SLC4A9: variants seen among roughly 807,000 people sequenced by gnomAD.
The protein encoded by SLC4A9 is solute carrier family 4 member 9, also known as anion exchange protein 4.
In SLC4A9, 102 loss-of-function variants were observed where a neutral mutation model predicts 103.2. The observed-to-expected ratio is 0.99, with a 90% CI of 0.84 to 1.17. SLC4A9 has a LOEUF of 1.17. Ranked by LOEUF, SLC4A9 falls within the 50% of genes most tolerant of loss-of-function variation. SLC4A9 has a pLI of 0.00. For synonymous variants in SLC4A9, 453 were observed against 483.6 expected (o/e 0.94, Z 0.83); for missense variants, 1,091 against 1,193.7 (o/e 0.91, Z 1.27).
In SLC4A9 at chr5:140,360,870, G is replaced by A. The variant is rs199701992; in HGVS notation, c.289G>A (p.Val97Met). 30 of 1,612,402 alleles carry A rather than the reference G, an allele frequency of 1.9e-5. No individual in the cohort carries two copies. Among genetic ancestry groups the A allele is most frequent in the South Asian group, 4.4e-5 (4 of 90,852 alleles). Residue 97 changes from valine (V) to methionine (M), a missense_variant, in exon 2 of 22, where the codon GTG (valine) becomes ATG (methionine). By Grantham distance (21) the Val-to-Met change is conservative. Transcript: ENST00000506757. ...VAAGRWSAPH[V>M]PTLALPSLQK... ...TGCAGGCCGGTGGAGTGCCCCCCAC[G>A]TGCCCACCCTGGCACTGCCCAGCCT...
chr5:140,367,469 C>T lies in SLC4A9; in HGVS notation c.2063C>T (p.Pro688Leu), dbSNP rs748505157. The change falls in exon 15 of 22, where the codon CCC becomes CTC. Residue 688 changes from proline to leucine, a missense_variant. Pro to Leu is a moderately conservative substitution (Grantham distance 98). Transcript: ENST00000506757. ...CTGGTGTCACCTTTTGGAGCCAACC[C>T]CTGGTGGTGGAGTGTGGCAGCTGCC... The part of the protein sequence containing the change: ...GWLVSPFGAN[P>L]WWWSVAAALP... The T allele has an allele frequency of 1.9e-6, 3 of 1,609,480 alleles. No individual in the cohort carries two copies. The highest frequency in any genetic ancestry group is 3.4e-5 in the Admixed American group (2 of 59,348).
At position 140,372,754 on chromosome 5, in the gene SLC4A9, A is replaced by C. The variant is rs1768908126; in HGVS notation, c.2836A>C (p.Met946Leu). 1 of 1,580,658 alleles carries C rather than the reference A, an allele frequency of 6.3e-7. No homozygotes were observed. The highest frequency in any genetic ancestry group is 8.6e-7 in the Non-Finnish European group (1 of 1,162,556). ...GATCTGTCTTCCACAGTCAGAGCTG[A>C]TGTATCAGCCAAAGGCTCCAGAAAT... ...SGSDSEDSELMYQPKAPEINI... is the reference protein window; with the variant it reads ...SGSDSEDSELLYQPKAPEINI... The change falls in exon 21 of 22, where the codon ATG (methionine) becomes CTG (leucine). Residue 946 changes from methionine (M) to leucine (L), a missense_variant. By Grantham distance (15) the Met-to-Leu change is conservative. Coordinates refer to ENST00000506757, the MANE Select transcript of SLC4A9 (RefSeq NM_031467.3).
chr5:140,364,516 C>T lies in SLC4A9; in HGVS notation c.1542C>T (p.Ile514=), dbSNP rs1051593283. Residue 514 remains isoleucine, a synonymous_variant, in exon 11 of 22, where the codon ATC becomes ATT. Coordinates refer to ENST00000506757, the MANE Select transcript of SLC4A9 (RefSeq NM_031467.3). The part of the protein sequence containing the change: ...EEGFCALISL[I]FIYDAVGKML... ...GTTTCTGTGCCCTCATCAGCCTCAT[C>T]TTCATCTACGATGCTGTGGGCAAAA... The T allele has an allele frequency of 1.2e-6, 2 of 1,611,098 alleles. No individual in the cohort carries two copies. The highest frequency in any genetic ancestry group is 2.7e-5 in the African/African-American group (2 of 74,872).
intron 3 of SLC4A9, 24 bp downstream of exon 3, chr5:140,361,391 G>T: frequency 6.5e-7 from 1 of 1,535,806 alleles, no homozygotes; most frequent in South Asian, 1.2e-5. Context: ...CCTGGGCCCA[G>T]GACCAAGACC....
rs767169623 is a variant in SLC4A9 at position 140,366,144 on chromosome 5, G to T, written c.1900-7G>T. The T allele has an allele frequency of 3.1e-6, 5 of 1,612,832 alleles. No homozygotes were observed. The African/African-American group carries it at 6.7e-5, about 22-fold the overall frequency. On this transcript the variant is annotated splice_polypyrimidine_tract_variant and splice_region_variant and intron_variant, in intron 13 of 21. Coordinates refer to ENST00000506757, the MANE Select transcript of SLC4A9 (RefSeq NM_031467.3). ...CTGGACCTGACTGAGTGTCCACTGT[G>T]TGCCAGGTGCGCAAAGGGCTCAGCG...
rs1367621303 is a variant in SLC4A9 at position 140,363,817 on chromosome 5, C to T, written c.1169C>T (p.Ser390Leu). ...GACGCCCTGCATCTCCAGTGCTTCT[C>T]GGCCGTACTCTACATTTACCTGGCC... ...FLDALHLQCF[S>L]AVLYIYLATV... The change falls in exon 9 of 22, where the codon TCG (serine) becomes TTG (leucine). Residue 390 changes from serine to leucine, a missense_variant. Transcript: ENST00000506757. This position sits in a 1 kb window ranked among gnomAD's most constrained non-coding sequence, Gnocchi z 4.5. The T allele has an allele frequency of 1.9e-5, 30 of 1,613,852 alleles. No homozygotes were observed. Among genetic ancestry groups the T allele is most frequent in the Non-Finnish European group, 2.4e-5 (28 of 1,179,878 alleles).
rs746938018 is a variant in SLC4A9 at position 140,368,583 on chromosome 5, A to G, written c.2355-4A>G. ...CCTCAGCTAACTCCTCCCTCTCCCC[A>G]CAGGGAACAGAGGCTGACAGGCCTG... On this transcript the variant is annotated splice_region_variant and splice_polypyrimidine_tract_variant and intron_variant, in intron 16 of 21. Coordinates refer to ENST00000506757, the MANE Select transcript of SLC4A9 (RefSeq NM_031467.3). 1.1e-5 allele frequency: 18 copies of G among 1,612,094 alleles called. No homozygotes were observed. Among genetic ancestry groups the G allele is most frequent in the Non-Finnish European group, 1.5e-5 (18 of 1,179,336 alleles).
Position 140,364,039 on chromosome 5 carries a change from CCT to C in SLC4A9, c.1255-14_1255-13del, listed in dbSNP as rs1303550534. ...GGACTTCAGGGTCCTGTGCTGAGCC[CCT>C]GTTGGCTTCCAGGGAGTGCTGGAAA... On this transcript the variant is annotated splice_polypyrimidine_tract_variant and intron_variant, in intron 9 of 21. Coordinates refer to ENST00000506757, the MANE Select transcript of SLC4A9 (RefSeq NM_031467.3). The C allele has an allele frequency of 1.4e-5, 22 of 1,526,084 alleles. No homozygotes were observed. The highest frequency in any genetic ancestry group is 1.9e-5 in the Non-Finnish European group (22 of 1,137,628). The allele number at this position is 1,526,084 out of a possible 1,614,324, so 94.5% of individuals were successfully genotyped here. A position where few individuals can be genotyped will look rare whatever the true frequency, so the allele number is the denominator to read the frequency against.
Position 140,371,472 on chromosome 5 carries a change from T to G in SLC4A9, c.2518T>G (p.Leu840Val). ...CTAGTTCACTAATAGGGTGAAGCTG[T>G]TGTTGATGCCAGCAAAACACCAGCC... ...SIQFTNRVKLLLMPAKHQPDL... is the reference protein window; with the variant it reads ...SIQFTNRVKLVLMPAKHQPDL... The change falls in exon 19 of 22, where the codon TTG becomes GTG. Residue 840 changes from leucine to valine, a missense_variant. Physicochemically the swap from Leu to Val is conservative, Grantham distance 32 (BLOSUM62 1). Transcript: ENST00000506757. The G allele has an allele frequency of 1.2e-6, 2 of 1,614,022 alleles. No individual in the cohort carries two copies. The highest frequency in any genetic ancestry group is 1.7e-6 in the Non-Finnish European group (2 of 1,179,894).
chr5:140,369,110 C>T (rs1768326605), intron 17 of SLC4A9, among the ~76,000 whole-genome samples: 2 of 151,798 alleles, frequency 1.3e-5, no homozygotes, highest in African/African-American at 2.4e-5. Context: ...ATCACTTGAG[C>T]GCAGAAGTTT....
At position 140,363,706 on chromosome 5, in the gene SLC4A9, A is replaced by G; in HGVS notation, c.1080-22A>G. Reference sequence around the variant, plus strand: ...GGTGTGGAGTGTGAAAACCTGGATCACTGACGACCCTCGGGCGGGAGGCTG... The same window carrying G: ...GGTGTGGAGTGTGAAAACCTGGATCGCTGACGACCCTCGGGCGGGAGGCTG... On this transcript the variant is annotated intron_variant, in intron 8 of 21. Coordinates refer to ENST00000506757, the MANE Select transcript of SLC4A9 (RefSeq NM_031467.3). This position sits in a 1 kb window ranked among gnomAD's most constrained non-coding sequence, Gnocchi z 4.5. 6.2e-7 allele frequency: 1 copy of G among 1,612,096 alleles called. No homozygotes were observed. The highest frequency in any genetic ancestry group is 8.5e-7 in the Non-Finnish European group (1 of 1,178,998).
At chr5:140,365,210 A>G (rs940639253) in intron 11 of SLC4A9, among the ~76,000 whole-genome samples, 1 of 152,214 alleles carries the variant, frequency 6.6e-6, no homozygotes, top group Non-Finnish European at 1.5e-5. Context: ...CTAGGCATGA[A>G]CAAGACCAGT....
intron 20 of SLC4A9, 57 bp downstream of exon 20, chr5:140,372,454 T>C: frequency 6.3e-7 from 1 of 1,585,898 alleles, no homozygotes. Flanking sequence ...GAGAGCGTTC[T>C]TGTCCAGGAG....
At chr5:140,373,493 C>A (rs762469752) in intron 21 of SLC4A9, among the ~76,000 whole-genome samples, 1 of 152,090 alleles carries the variant, frequency 6.6e-6, no homozygotes, top group African/African-American at 2.4e-5. Context: ...GGCTTCTGAC[C>A]TCTTCTTGGA....
chr5:140,361,549 G>C (rs958032896), intron 3 of SLC4A9, among the ~76,000 whole-genome samples, 182 bp downstream of exon 3: 4 of 152,258 alleles, frequency 2.6e-5, no homozygotes, highest in African/African-American at 9.6e-5. Context: ...AGAATCGTAA[G>C]AGAGTTCTGT....
At chr5:140,370,921 A>G (rs1768617593) in intron 17 of SLC4A9, 174 bp from the exon 18 acceptor site, 1 of 584,870 alleles carries the variant, frequency 1.7e-6, no homozygotes, top group African/African-American at 1.9e-5. Context: ...CATTTACTTC[A>G]TCTAATTGAT....
In SLC4A9 at chr5:140,372,826, C is replaced by G. The variant is rs185439470; in HGVS notation, c.*28C>G. The G allele has an allele frequency of 4.4e-4, 674 of 1,535,936 alleles. No homozygotes were observed. Among genetic ancestry groups the G allele is most frequent in the Non-Finnish European group, 5.5e-4 (627 of 1,138,244 alleles). On this transcript the variant is annotated 3_prime_UTR_variant, in exon 21 of 22. Coordinates refer to ENST00000506757, the MANE Select transcript of SLC4A9 (RefSeq NM_031467.3). ...GGAGTAGGAGTCTGGGAGTGGAGACCCCAGGAAACAGCATGAGGTGAGGGT... is the reference window on the plus strand; with the variant it reads ...GGAGTAGGAGTCTGGGAGTGGAGACGCCAGGAAACAGCATGAGGTGAGGGT...
intron 21 of SLC4A9, among the ~76,000 whole-genome samples, chr5:140,374,251 T>A (rs1236806620): frequency 1.3e-5 from 2 of 149,092 alleles, no homozygotes; most frequent in African/African-American, 4.9e-5. Flanking sequence ...TCTTCATGCT[T>A]CTCCAAGCTC....
chr5:140,365,368 TTC>T (rs1431101841), intron 11 of SLC4A9, among the ~76,000 whole-genome samples, 150 bp from the exon 12 acceptor site: 1 of 152,192 alleles, frequency 6.6e-6, no homozygotes, highest in Non-Finnish European at 1.5e-5. Flanking sequence ...GACAATGTCC[TTC>T]TCGCACACTT....
Sources: allele counts gnomAD v4.1 joint callset (sites outside exome capture counted in the v4.1 genomes callset), GRCh38; gene constraint gnomAD v4.1.1; non-coding constraint Gnocchi (gnomAD v3.1); transcripts MANE v1.5; gene names NCBI Gene and HGNC (gene_info 2026-07-23, HGNC 2026-07-21).